The following AKAP6 variants were observed in gnomAD, a reference collection of about 807,000 sequenced individuals.
The protein encoded by AKAP6 is A-kinase anchoring protein 6.
In AKAP6, 58 loss-of-function variants were observed where a neutral mutation model predicts 188.5. That is an observed-to-expected ratio of 0.31 (90% CI 0.25 to 0.38). The LOEUF (loss-of-function observed/expected upper bound fraction) is 0.38, where lower values mean the gene tolerates loss of function less well. Among genes scored for constraint, AKAP6 ranks in the 10% least tolerant of loss-of-function variants. The probability of loss-of-function intolerance (pLI) is 1.00; values close to 1 mark genes in which losing one functional copy is unlikely to be tolerated. For synonymous variants in AKAP6, 989 were observed against 998.6 expected (o/e 0.99, Z 0.18); for missense variants, 2,710 against 2,740.0 (o/e 0.99, Z 0.24).
chr14:32,787,752 C>T (rs1038222503), intron 12 of AKAP6, among the ~76,000 whole-genome samples: 1 of 152,060 alleles, frequency 6.6e-6, no homozygotes, highest in East Asian at 1.9e-4. Context: ...TAGAGTATTT[C>T]TAGGTAAGCT....
At chr14:32,468,656 T>C (rs1284894496) in intron 2 of AKAP6, among the ~76,000 whole-genome samples, 1 of 152,160 alleles carries the variant, frequency 6.6e-6, no homozygotes, top group Non-Finnish European at 1.5e-5. Context: ...ATTTTTGTTT[T>C]TGTTATGTTT....
chr14:32,629,987 A>G (rs1447081946), intron 7 of AKAP6, among the ~76,000 whole-genome samples: 1 of 152,144 alleles, frequency 6.6e-6, no homozygotes, highest in Non-Finnish European at 1.5e-5. Flanking sequence ...GAATGACCTC[A>G]TTATGAGAGG....
intron 2 of AKAP6, among the ~76,000 whole-genome samples, chr14:32,469,141 C>T (rs1410527760): frequency 1.3e-5 from 2 of 152,136 alleles, no homozygotes; most frequent in Non-Finnish European, 2.9e-5. Flanking sequence ...CCTGTCCTGC[C>T]ACTAGACTTT....
intron 8 of AKAP6, among the ~76,000 whole-genome samples, chr14:32,683,013 A>G (rs1024490659): frequency 3.3e-5 from 3 of 91,944 alleles, no homozygotes; most frequent in African/African-American, 1.1e-4. Context: ...TTTGTTTTTG[A>G]GACAAAGCCT....
intron 7 of AKAP6, among the ~76,000 whole-genome samples, chr14:32,628,522 A>G (rs1187855800): frequency 1.3e-5 from 2 of 152,052 alleles, no homozygotes; most frequent in Non-Finnish European, 2.9e-5. Context: ...AATAATTTTA[A>G]CCTGGACCAC....
At chr14:32,750,938 T>C (rs1404690800) in intron 11 of AKAP6, among the ~76,000 whole-genome samples, 1 of 151,568 alleles carries the variant, frequency 6.6e-6, no homozygotes, top group Non-Finnish European at 1.5e-5. Context: ...GGTTTCACCA[T>C]GTTAGCCAGG....
chr14:32,829,418 A>T (rs1458572758), intron 13 of AKAP6, among the ~76,000 whole-genome samples: 2 of 152,220 alleles, frequency 1.3e-5, no homozygotes, highest in African/African-American at 4.8e-5. Flanking sequence ...CTGAGAGCCT[A>T]TCAGCTCCCA....
chr14:32,757,107 C>T (rs964984488), intron 11 of AKAP6, among the ~76,000 whole-genome samples: 9 of 152,088 alleles, frequency 5.9e-5, no homozygotes, highest in African/African-American at 1.9e-4. Context: ...GTTGTGCTGC[C>T]GAGGCTTGGG....
rs558342306 is a variant in AKAP6 at position 32,721,023 on chromosome 14, C to T, written c.3001-11431C>T. On this transcript the variant is annotated intron_variant, in intron 9 of 13. Coordinates refer to ENST00000280979, the MANE Select transcript of AKAP6 (RefSeq NM_004274.5). The stretch of plus-strand genomic sequence containing the variant: ...AGTTTCATTACATTAATTGCTGCGC[C>T]TCAAGTCTTTTTTCCTTCCTACATT... 3.3e-5 allele frequency among the ~76,000 whole-genome samples: 5 copies of T among 152,270 alleles called. No individual in the cohort carries two copies. The South Asian group carries it at 6.2e-4, about 19-fold the overall frequency.
Position 32,827,976 on chromosome 14 carries a change from G to A in AKAP6, c.*43-1872G>A, listed in dbSNP as rs1213224558. ...TTTGTTTTACTATGTGTATGTGTATGAGTGTGGTGTTTTGGGGGGTGGGTT... is the reference window on the plus strand; with the variant it reads ...TTTGTTTTACTATGTGTATGTGTATAAGTGTGGTGTTTTGGGGGGTGGGTT... On this transcript the variant is annotated intron_variant, in intron 13 of 13. Coordinates refer to ENST00000280979, the MANE Select transcript of AKAP6 (RefSeq NM_004274.5). 4.6e-5 allele frequency among the ~76,000 whole-genome samples: 7 copies of A among 152,112 alleles called. No homozygotes were observed. In the East Asian group the frequency reaches 1.3e-3, roughly 29 times the overall value.
At chr14:32,422,202 G>C (rs1039086996) in intron 1 of AKAP6, among the ~76,000 whole-genome samples, 3 of 151,956 alleles carry the variant, frequency 2.0e-5, no homozygotes, top group Non-Finnish European at 4.4e-5. Flanking sequence ...TAAGGGCACA[G>C]ACCTCCAAGA....
At chr14:32,344,107 C>T (rs1470791293) in intron 1 of AKAP6, among the ~76,000 whole-genome samples, 1 of 152,226 alleles carries the variant, frequency 6.6e-6, no homozygotes, top group Non-Finnish European at 1.5e-5. Context: ...TTGACCTACT[C>T]TCCCTGTGTT....
chr14:32,744,518 GCA>G (rs1268814326), intron 11 of AKAP6, among the ~76,000 whole-genome samples: 28 of 151,980 alleles, frequency 1.8e-4, no homozygotes, highest in South Asian at 4.2e-4. Flanking sequence ...GGGTTTCACT[GCA>G]CTAGCCAGGA....
intron 7 of AKAP6, among the ~76,000 whole-genome samples, chr14:32,635,451 C>T (rs1887444343): frequency 6.6e-6 from 1 of 152,050 alleles, no homozygotes; most frequent in African/African-American, 2.4e-5. Context: ...ATGATACAAG[C>T]ATATCACTGA....
At chr14:32,566,899 G>C (rs559176221) in intron 4 of AKAP6, among the ~76,000 whole-genome samples, 5 of 152,086 alleles carry the variant, frequency 3.3e-5, no homozygotes, top group African/African-American at 9.6e-5. Context: ...CTACCTACTG[G>C]TGAGTGAATG....
chr14:32,394,464 A>G lies in AKAP6; in HGVS notation c.-34-38996A>G, dbSNP rs564957992. On this transcript the variant is annotated intron_variant, in intron 1 of 13. Transcript: ENST00000280979. The stretch of plus-strand genomic sequence containing the variant: ...GTACTTCTACAAGGTGAGATGGAAC[A>G]TCAGTGTCAGAGTCTCAAAAAGAAT... Among the ~76,000 whole-genome samples the G allele has an allele frequency of 5.3e-5, 8 of 152,352 alleles. No homozygotes were observed. In the South Asian group the frequency reaches 1.7e-3, roughly 32 times the overall value.
intron 2 of AKAP6, among the ~76,000 whole-genome samples, chr14:32,443,356 G>A (rs1890646457): frequency 6.6e-6 from 1 of 151,496 alleles, no homozygotes; most frequent in Admixed American, 6.6e-5. Flanking sequence ...TCACACCACT[G>A]CACTCCAGCC....
intron 7 of AKAP6, among the ~76,000 whole-genome samples, chr14:32,626,557 C>T (rs1887033290): frequency 6.6e-6 from 1 of 152,072 alleles, no homozygotes; most frequent in African/African-American, 2.4e-5. Context: ...ATTGCATTTC[C>T]TATACCTCAG....
At chr14:32,761,012 T>G (rs2032518071) in intron 11 of AKAP6, among the ~76,000 whole-genome samples, 1 of 152,164 alleles carries the variant, frequency 6.6e-6, no homozygotes, top group South Asian at 2.1e-4. Context: ...TGCCTTGAGC[T>G]TCCACCACAA....
Sources: allele counts gnomAD v4.1 joint callset (sites outside exome capture counted in the v4.1 genomes callset), GRCh38; gene constraint gnomAD v4.1.1; transcripts MANE v1.5; gene names NCBI Gene and HGNC (gene_info 2026-07-23, HGNC 2026-07-21).